AKAP13: variants seen among roughly 807,000 people sequenced by gnomAD.
AKAP13 encodes the protein A-kinase anchor protein 13.
In AKAP13, 80 loss-of-function variants were observed where a neutral mutation model predicts 264.5. That is an observed-to-expected ratio of 0.30 (90% CI 0.25 to 0.36). The LOEUF is 0.36. AKAP13 is among the 10% of genes least tolerant of loss of function. The pLI is 1.00. For missense variants in AKAP13, 3,712 were observed against 3,435.2 expected (o/e 1.08, Z -2.01); for synonymous variants, 1,380 against 1,250.2 (o/e 1.10, Z -2.19).
chr15:85,512,867 A>T (rs955949772), intron 2 of AKAP13, among the ~76,000 whole-genome samples: 1 of 102,970 alleles, frequency 9.7e-6, no homozygotes, highest in African/African-American at 3.3e-5. Context: ...GTATGTATGT[A>T]TGTTTTTGAG....
At chr15:85,542,898 G>C (rs996245852) in intron 4 of AKAP13, among the ~76,000 whole-genome samples, 1 of 152,188 alleles carries the variant, frequency 6.6e-6, no homozygotes, top group Non-Finnish European at 1.5e-5. Flanking sequence ...ACACCTCTGT[G>C]AGTGAGGTGT....
intron 1 of AKAP13, among the ~76,000 whole-genome samples, chr15:85,469,843 T>G (rs1259982127): frequency 6.6e-6 from 1 of 152,226 alleles, no homozygotes; most frequent in Non-Finnish European, 1.5e-5. Flanking sequence ...TGTGATAATG[T>G]GAATGGCATT....
rs541957086 is a variant in AKAP13 at position 85,407,179 on chromosome 15, G to T, written c.-12+26381G>T. Among the ~76,000 whole-genome samples the T allele has an allele frequency of 7.3e-5, 11 of 151,384 alleles. 1 individual carries two copies. The South Asian group carries it at 2.3e-3, about 32-fold the overall frequency. On this transcript the variant is annotated intron_variant, in intron 1 of 36. Transcript: ENST00000394518. ...AGAGTACCAACTTTGTGGTATACAG[G>T]CTTCTAAGGAACACAGATGAGGGAT...
chr15:85,735,688 C>A, intron 32 of AKAP13, 58 bp downstream of exon 32: 1 of 1,484,558 alleles, frequency 6.7e-7, no homozygotes, highest in Non-Finnish European at 9.2e-7. Flanking sequence ...GAATTCATAA[C>A]CTTTGAAATT....
Position 85,592,268 on chromosome 15 carries a change from G to A in AKAP13, c.4161+6445G>A, listed in dbSNP as rs373756124. 3.9e-4 allele frequency among the ~76,000 whole-genome samples: 59 copies of A among 152,078 alleles called. 1 individual carries two copies. The highest frequency in any genetic ancestry group is 1.3e-3 in the African/African-American group (55 of 41,474). On this transcript the variant is annotated intron_variant, in intron 8 of 36. Coordinates refer to ENST00000394518, the MANE Select transcript of AKAP13 (RefSeq NM_007200.5). ...TTTCTTTCTGTTGTCTAAAGGGGGC[G>A]AACTTGTATTTCCATCCCTAGTCTA... is the stretch of plus-strand genomic sequence containing the variant.
chr15:85,451,786 C>G (rs1251465024), intron 1 of AKAP13, among the ~76,000 whole-genome samples: 1 of 152,206 alleles, frequency 6.6e-6, no homozygotes, highest in Non-Finnish European at 1.5e-5. Flanking sequence ...TTTTCCCTAA[C>G]TGCCTTTAAC....
chr15:85,679,745 G>C (rs2084479496), intron 14 of AKAP13, among the ~76,000 whole-genome samples: 1 of 152,298 alleles, frequency 6.6e-6, no homozygotes, highest in Admixed American at 6.5e-5. Context: ...TGCCTTGAAA[G>C]ATAATCTAGT....
At chr15:85,555,576 A>T in intron 5 of AKAP13, 6 of 922,218 alleles carry the variant, frequency 6.5e-6, no homozygotes, top group Non-Finnish European at 9.2e-6. Context: ...CTGTAACTCA[A>T]CCTGAAGCAT....
At position 85,627,249 on chromosome 15, in the gene AKAP13, T is replaced by C. The variant is rs1037886117; in HGVS notation, c.4162-12125T>C. Among the ~76,000 whole-genome samples, 10 of 152,302 alleles carry C rather than the reference T, an allele frequency of 6.6e-5. No individual in the cohort carries two copies. In the East Asian group the frequency reaches 1.9e-3, roughly 29 times the overall value. On this transcript the variant is annotated intron_variant, in intron 8 of 36. Transcript: ENST00000394518. ...TAACCATTTGCAGGACATATTGTTA[T>C]TTCAAACTCAACATGGGCAAATGGA...
At chr15:85,552,865 A>AT (rs1487783006) in intron 5 of AKAP13, among the ~76,000 whole-genome samples, 16 of 151,678 alleles carry the variant, frequency 1.1e-4, no homozygotes, top group Non-Finnish European at 2.4e-4. Flanking sequence ...GATTTTGGCC[A>AT]TTTTTTCTTA....
intron 3 of AKAP13, among the ~76,000 whole-genome samples, chr15:85,523,152 G>T (rs946510122): frequency 3.3e-5 from 5 of 151,948 alleles, no homozygotes; most frequent in Admixed American, 1.3e-4. Flanking sequence ...GAGATCCTTA[G>T]TTGGTATAGT....
At chr15:85,623,260 G>A (rs531436208) in intron 8 of AKAP13, among the ~76,000 whole-genome samples, 1 of 152,192 alleles carries the variant, frequency 6.6e-6, no homozygotes, top group Admixed American at 6.5e-5. Flanking sequence ...TCAAAACAAC[G>A]TTTGTTGGTT....
intron 29 of AKAP13, 124 bp from the exon 30 acceptor site, chr15:85,730,389 G>A: frequency 1.1e-6 from 1 of 891,682 alleles, no homozygotes; most frequent in Non-Finnish European, 1.7e-6. Flanking sequence ...AAGGCAGTGT[G>A]GGTGGGGAGG....
At chr15:85,686,847 C>CT (rs1328265418) in intron 16 of AKAP13, among the ~76,000 whole-genome samples, 2 of 152,210 alleles carry the variant, frequency 1.3e-5, no homozygotes, top group Non-Finnish European at 2.9e-5. Context: ...CCTAAGAGAA[C>CT]TAAAGCTCAT....
chr15:85,399,519 A>AAAT (rs2071303101), intron 1 of AKAP13, among the ~76,000 whole-genome samples: 6 of 124,574 alleles, frequency 4.8e-5, no homozygotes, highest in Admixed American at 3.9e-4. Context: ...AAAAAAAAAA[A>AAAT]AAATAAAAAA....
intron 1 of AKAP13, among the ~76,000 whole-genome samples, chr15:85,479,332 CT>C (rs1304035944): frequency 2.0e-5 from 3 of 152,158 alleles, no homozygotes; most frequent in Non-Finnish European, 4.4e-5. Context: ...AACATTGACT[CT>C]TTTACAAGAA....
chr15:85,682,332 A>G, intron 15 of AKAP13, 120 bp downstream of exon 15: 1 of 997,336 alleles, frequency 1.0e-6, no homozygotes, highest in African/African-American at 1.6e-5. Context: ...TTTGAGTGAT[A>G]AACTTGGAAT....
At chr15:85,534,428 T>A (rs2077327431) in intron 4 of AKAP13, 2 of 153,132 alleles carry the variant, frequency 1.3e-5, no homozygotes, top group Non-Finnish European at 2.9e-5. Context: ...AAAGGACTTT[T>A]TGTTTGTTTT....
chr15:85,717,360 A>G lies in AKAP13; in HGVS notation c.5806A>G (p.Ile1936Val). The change falls in exon 21 of 37, where the codon ATC becomes GTC. Residue 1936 changes from isoleucine to valine, a missense_variant. Physicochemically the swap from Ile to Val is conservative, Grantham distance 29 (BLOSUM62 3). Coordinates refer to ENST00000394518, the MANE Select transcript of AKAP13 (RefSeq NM_007200.5). The stretch of plus-strand genomic sequence containing the variant: ...TCATTCAACAGACTCACTAAATAAA[A>G]TCAGCAAGGTCAATGAGTCAACAGA... ...LSHSTDSLNKISKVNESTESL... is the reference protein window; with the variant it reads ...LSHSTDSLNKVSKVNESTESL... 1 of 1,613,496 alleles carries G rather than the reference A, an allele frequency of 6.2e-7. No individual in the cohort carries two copies. The highest frequency in any genetic ancestry group is 8.5e-7 in the Non-Finnish European group (1 of 1,179,850).
Sources: allele counts gnomAD v4.1 joint callset (sites outside exome capture counted in the v4.1 genomes callset), GRCh38; gene constraint gnomAD v4.1.1; transcripts MANE v1.5; gene names NCBI Gene and HGNC (gene_info 2026-07-23, HGNC 2026-07-21).